The following INPP1 variants were observed in gnomAD, a reference collection of about 807,000 sequenced individuals.
INPP1 encodes the protein inositol polyphosphate-1-phosphatase, also known as inositol polyphosphate 1-phosphatase.
In INPP1, 18 loss-of-function variants were observed where a neutral mutation model predicts 23.0. That is an observed-to-expected ratio of 0.78 (90% CI 0.54 to 1.16). The LOEUF (loss-of-function observed/expected upper bound fraction) is 1.16, where lower values mean the gene tolerates loss of function less well. INPP1 is among the 50% of genes most tolerant of loss of function. INPP1 has a pLI of 0.00. For synonymous variants in INPP1, 164 were observed against 176.3 expected (o/e 0.93, Z 0.55); for missense variants, 448 against 482.1 (o/e 0.93, Z 0.66).
At chr2:190,358,204 G>A (rs546546178) in intron 2 of INPP1, among the ~76,000 whole-genome samples, 19 of 150,444 alleles carry the variant, frequency 1.3e-4, no homozygotes, top group African/African-American at 4.1e-4. Flanking sequence ...TCAGTCTCCC[G>A]AGTAGCTGAG....
Position 190,350,636 on chromosome 2 carries a change from T to C in INPP1, c.-65+1605T>C, listed in dbSNP as rs150306808. ...GGTCCATTGGTACACTTGCTCACAA[T>C]AGAGCAAGTGTAGACTGACCAGCTT... On this transcript the variant is annotated intron_variant, in intron 2 of 6. Transcript: ENST00000392329. Among the ~76,000 whole-genome samples the C allele has an allele frequency of 6.7e-3, 1,016 of 152,226 alleles. 8 individuals are homozygous for C. The highest frequency in any genetic ancestry group is 0.023 in the African/African-American group (965 of 41,518).
chr2:190,366,901 T>C lies in INPP1; in HGVS notation c.466+6T>C, dbSNP rs753860258. 1.0e-5 allele frequency: 16 copies of C among 1,568,738 alleles called. No homozygotes were observed. The highest frequency in any genetic ancestry group is 1.3e-5 in the Non-Finnish European group (15 of 1,138,904). Reference sequence around the variant, plus strand: ...AATTTGGGTGGACCCCATAGGTAAGTATAGGAAAGTATGTTTGTTCTTATT... The same window carrying C: ...AATTTGGGTGGACCCCATAGGTAAGCATAGGAAAGTATGTTTGTTCTTATT... On this transcript the variant is annotated splice_donor_region_variant and intron_variant, in intron 5 of 6. Transcript: ENST00000392329.
intron 4 of INPP1, chr2:190,362,908 A>C (rs1689563058): frequency 5.8e-6 from 2 of 345,070 alleles, no homozygotes; most frequent in Admixed American, 4.8e-5. Context: ...TCCATGTATC[A>C]TTTTAGATAT....
Position 190,352,698 on chromosome 2 carries a change from C to T in INPP1, c.-65+3667C>T, listed in dbSNP as rs886785379. On this transcript the variant is annotated intron_variant, in intron 2 of 6. Transcript: ENST00000392329. This position sits in a 1 kb window ranked among gnomAD's most constrained non-coding sequence, Gnocchi z 4.7. Reference sequence around the variant, plus strand: ...AGTATGGAGCAAAGGAGAGGTGGGACGAAGTCTATGTTTCCCCTACAACAG... The same window carrying T: ...AGTATGGAGCAAAGGAGAGGTGGGATGAAGTCTATGTTTCCCCTACAACAG... 1.3e-5 allele frequency among the ~76,000 whole-genome samples: 2 copies of T among 152,126 alleles called. No individual in the cohort carries two copies. The highest frequency in any genetic ancestry group is 2.9e-5 in the Non-Finnish European group (2 of 68,034).
In INPP1 at chr2:190,370,891, T is replaced by C. The variant is rs766914572; in HGVS notation, c.689T>C (p.Met230Thr). The change falls in exon 7 of 7, where the codon ATG (methionine) becomes ACG (threonine). Residue 230 changes from methionine (M) to threonine (T), a missense_variant. Transcript: ENST00000392329. ...GGCCTTTCTTACATGGGGACCAACA[T>C]GCATTCACTACAGCTCACCATCTCT... is the stretch of plus-strand genomic sequence containing the variant. The part of the protein sequence containing the change: ...YWGLSYMGTN[M>T]HSLQLTISRR... The C allele has an allele frequency of 3.1e-6, 5 of 1,613,962 alleles. No individual in the cohort carries two copies. The Admixed American group carries it at 5.0e-5, about 16-fold the overall frequency.
At position 190,348,243 on chromosome 2, in the gene INPP1, C is replaced by A. The variant is rs539427647; in HGVS notation, c.-208-645C>A. Among the ~76,000 whole-genome samples, 6 of 152,270 alleles carry A rather than the reference C, an allele frequency of 3.9e-5. No homozygotes were observed. The East Asian group carries it at 9.7e-4, about 25-fold the overall frequency. ...TTTAAACCTAATTTTCCTATCGCTA[C>A]CCCCACTTGTTTTTTAAAAATATAA... is the stretch of plus-strand genomic sequence containing the variant. On this transcript the variant is annotated intron_variant, in intron 1 of 6. Transcript: ENST00000392329.
intron 4 of INPP1, among the ~76,000 whole-genome samples, chr2:190,366,334 GCT>G (rs1179466000): frequency 1.9e-5 from 2 of 104,026 alleles, no homozygotes; most frequent in Non-Finnish European, 4.0e-5. Flanking sequence ...TCACTCTCTC[GCT>G]CTGTCTCTCT....
In INPP1 at chr2:190,354,457, G is replaced by C. The variant is rs1464569891; in HGVS notation, c.-65+5426G>C. 6.6e-6 allele frequency among the ~76,000 whole-genome samples: 1 copy of C among 152,172 alleles called. No individual in the cohort carries two copies. Among genetic ancestry groups the C allele is most frequent in the Non-Finnish European group, 1.5e-5 (1 of 68,040 alleles). On this transcript the variant is annotated intron_variant, in intron 2 of 6. Coordinates refer to ENST00000392329, the MANE Select transcript of INPP1 (RefSeq NM_001128928.2). This position sits in a 1 kb window ranked among gnomAD's most constrained non-coding sequence, Gnocchi z 4.8. Reference sequence around the variant, plus strand: ...TGTACTTGCAGATAGGACCTTTAAAGTTTATGTGAGGTCATACAGGCGGAT... The same window carrying C: ...TGTACTTGCAGATAGGACCTTTAAACTTTATGTGAGGTCATACAGGCGGAT...
Position 190,371,194 on chromosome 2 carries a change from T to G in INPP1, c.992T>G (p.Ile331Arg). The change falls in exon 7 of 7, where the codon ATA becomes AGA. Residue 331 changes from isoleucine to arginine, a missense_variant. Coordinates refer to ENST00000392329, the MANE Select transcript of INPP1 (RefSeq NM_001128928.2). This position sits in a 1 kb window ranked among gnomAD's most constrained non-coding sequence, Gnocchi z 5.3. ...ATACTGAGGGCCATGGGTGGGGGAA[T>G]AGTAGACTTGAAAGAATGCTTAGAA... ...HAILRAMGGG[I>R]VDLKECLERN... 6.2e-7 allele frequency: 1 copy of G among 1,613,878 alleles called. No homozygotes were observed. The highest frequency in any genetic ancestry group is 1.1e-5 in the South Asian group (1 of 91,070).
intron 2 of INPP1, 98 bp from the exon 3 acceptor site, chr2:190,359,941 G>T: frequency 1.6e-6 from 1 of 626,910 alleles, no homozygotes; most frequent in South Asian, 1.9e-5. Context: ...TCACCAGGCT[G>T]ACCAGGTTGA....
intron 4 of INPP1, among the ~76,000 whole-genome samples, chr2:190,365,309 T>G (rs1462483916): frequency 6.6e-6 from 1 of 152,226 alleles, no homozygotes; most frequent in African/African-American, 2.4e-5. Context: ...GGCATAAAGT[T>G]TTACTACATT....
intron 4 of INPP1, among the ~76,000 whole-genome samples, chr2:190,364,559 C>T (rs1432818944): frequency 7.3e-6 from 1 of 137,714 alleles, no homozygotes; most frequent in African/African-American, 2.7e-5. Context: ...AAAAAAATTT[C>T]AGTAGGTCTG....
rs1689372787 is a variant in INPP1 at position 190,354,104 on chromosome 2, C to A, written c.-65+5073C>A. 6.6e-6 allele frequency among the ~76,000 whole-genome samples: 1 copy of A among 152,162 alleles called. No homozygotes were observed. The highest frequency in any genetic ancestry group is 2.4e-5 in the African/African-American group (1 of 41,438). ...TTAAGCCCATTTTGCTGAAATGTGACTTGAAATAGATTGTTACAAAACAAG... is the reference window on the plus strand; with the variant it reads ...TTAAGCCCATTTTGCTGAAATGTGAATTGAAATAGATTGTTACAAAACAAG... On this transcript the variant is annotated intron_variant, in intron 2 of 6. Transcript: ENST00000392329. The surrounding 1 kb of genome is among the most constrained non-coding windows in gnomAD (Gnocchi z 4.8).
At chr2:190,359,919 T>C (rs1486864935) in intron 2 of INPP1, 120 bp from the exon 3 acceptor site, 3 of 586,970 alleles carry the variant, frequency 5.1e-6, no homozygotes, top group South Asian at 2.0e-5. Context: ...GAATATGATA[T>C]AGACTAGCTG....
In INPP1 at chr2:190,355,901, A is replaced by C. The variant is rs1268678380; in HGVS notation, c.-64-4138A>C. Among the ~76,000 whole-genome samples, 2 of 152,240 alleles carry C rather than the reference A, an allele frequency of 1.3e-5. No individual in the cohort carries two copies. The highest frequency in any genetic ancestry group is 3.8e-4 in the East Asian group (2 of 5,200). On this transcript the variant is annotated intron_variant, in intron 2 of 6. Coordinates refer to ENST00000392329, the MANE Select transcript of INPP1 (RefSeq NM_001128928.2). The surrounding 1 kb of genome is among the most constrained non-coding windows in gnomAD (Gnocchi z 5.1). Reference sequence around the variant, plus strand: ...GTTTAGCTATATAACAAACCTGCACATGTAACCCTGAACTTAGAATAAAAG... The same window carrying C: ...GTTTAGCTATATAACAAACCTGCACCTGTAACCCTGAACTTAGAATAAAAG...
At chr2:190,359,287 G>A (rs1175422517) in intron 2 of INPP1, among the ~76,000 whole-genome samples, 3 of 152,162 alleles carry the variant, frequency 2.0e-5, no homozygotes, top group African/African-American at 4.8e-5. Context: ...GTGACAGAGT[G>A]AGACCCTGTC....
At chr2:190,350,851 C>T (rs887022766) in intron 2 of INPP1, among the ~76,000 whole-genome samples, 1 of 152,160 alleles carries the variant, frequency 6.6e-6, no homozygotes, top group Non-Finnish European at 1.5e-5. Context: ...AGATAGGTCA[C>T]CTCTAGATGA....
At position 190,354,925 on chromosome 2, in the gene INPP1, G is replaced by GGTGTGTGTGTGTGT. The variant is rs71027214; in HGVS notation, c.-64-5106_-64-5093dup. 4.3e-3 allele frequency among the ~76,000 whole-genome samples: 627 copies of GGTGTGTGTGTGTGT among 146,614 alleles called. 6 individuals are homozygous for GGTGTGTGTGTGTGT. Among genetic ancestry groups the GGTGTGTGTGTGTGT allele is most frequent in the African/African-American group, 0.015 (585 of 39,410 alleles). ...AACCTAGTGACAGATATCAACTAGG[G>GGTGTGTGTGTGTGT]GTGTGTGTGTGTGTGTGTGTGCATT... On this transcript the variant is annotated intron_variant, in intron 2 of 6. Transcript: ENST00000392329. The surrounding 1 kb of genome is among the most constrained non-coding windows in gnomAD (Gnocchi z 4.8).
Position 190,367,598 on chromosome 2 carries a change from A to T in INPP1, c.466+703A>T, listed in dbSNP as rs1575792959. Among the ~76,000 whole-genome samples the T allele has an allele frequency of 6.6e-6, 1 of 152,120 alleles. No individual in the cohort carries two copies. The highest frequency in any genetic ancestry group is 6.6e-5 in the Admixed American group (1 of 15,258). ...GAGTCTCGTGTTGCACACAGGCTGG[A>T]GTGCAGTGGCACAGTCAGAACTCAC... On this transcript the variant is annotated intron_variant, in intron 5 of 6. Coordinates refer to ENST00000392329, the MANE Select transcript of INPP1 (RefSeq NM_001128928.2). The surrounding 1 kb of genome is among the most constrained non-coding windows in gnomAD (Gnocchi z 4.1).
Sources: gnomAD v4.1 joint callset for allele counts (sites outside exome capture counted in the v4.1 genomes callset) on GRCh38, gnomAD v4.1.1 for gene constraint, Gnocchi (gnomAD v3.1) non-coding constraint, MANE v1.5 for transcripts, NCBI Gene and HGNC (gene_info 2026-07-23, HGNC 2026-07-21) for gene names.